DIO2: variants seen among roughly 807,000 people sequenced by gnomAD.
DIO2 encodes the protein type II iodothyronine deiodinase.
DIO2 carries 19 observed loss-of-function variants against 21.4 expected under a neutral mutation model. The ratio of observed to expected loss-of-function variants is 0.89; its 90% CI spans 0.62 to 1.30. The LOEUF (loss-of-function observed/expected upper bound fraction) is 1.30, where lower values mean the gene tolerates loss of function less well. DIO2 is among the 50% of genes most tolerant of loss of function. The pLI, the probability that DIO2 is intolerant of heterozygous loss-of-function variation, is 0.00. For missense variants in DIO2, 302 were observed against 338.1 expected (o/e 0.89, Z 0.84); for synonymous variants, 122 against 132.9 (o/e 0.92, Z 0.57).
At chr14:80,227,178 G>A (rs964385459) in intron 2 of DIO2, among the ~76,000 whole-genome samples, 1 of 152,160 alleles carries the variant, frequency 6.6e-6, no homozygotes, top group South Asian at 2.1e-4. Context: ...TGCATATCAT[G>A]CACAACCATC....
chr14:80,217,311 AC>A (rs1888380518), intron 2 of DIO2, among the ~76,000 whole-genome samples: 1 of 152,156 alleles, frequency 6.6e-6, no homozygotes, highest in African/African-American at 2.4e-5. Context: ...ATCTCTCAAA[AC>A]CTTTTTAAGC....
At chr14:80,215,687 C>A (rs141859549), upstream of DIO2, among the ~76,000 whole-genome samples, 129 of 152,360 alleles carry the variant, frequency 8.5e-4, 2 homozygotes, top group East Asian at 0.022. Flanking sequence ...TGTCTGGAAA[C>A]AGCAGGCATG....
intron 2 of DIO2, among the ~76,000 whole-genome samples, chr14:80,226,038 G>A (rs1397141734): frequency 1.3e-5 from 2 of 152,086 alleles, no homozygotes; most frequent in East Asian, 1.9e-4. Context: ...CAAAAATTTC[G>A]CTAGTGGATC....
At chr14:80,223,317 G>C (rs1888504481) in intron 2 of DIO2, among the ~76,000 whole-genome samples, 1 of 152,130 alleles carries the variant, frequency 6.6e-6, no homozygotes, top group African/African-American at 2.4e-5. Context: ...TACATACCTT[G>C]TCAATTAGTA....
At chr14:80,221,197 C>T (rs1308951532) in intron 2 of DIO2, among the ~76,000 whole-genome samples, 2 of 152,132 alleles carry the variant, frequency 1.3e-5, no homozygotes, top group Non-Finnish European at 2.9e-5. Flanking sequence ...CTTCCCAGAA[C>T]ATCTACAATG....
chr14:80,212,903 T>G (rs985507755), upstream of DIO2, among the ~76,000 whole-genome samples: 1 of 152,010 alleles, frequency 6.6e-6, no homozygotes, highest in African/African-American at 2.4e-5. Flanking sequence ...GGCGACATTC[T>G]TTTAGCTTCA....
intron 2 of DIO2, chr14:80,216,787 A>G (rs1401053201): frequency 3.3e-5 from 5 of 152,190 alleles, no homozygotes; most frequent in Non-Finnish European, 7.3e-5. Context: ...TGGTCAAAAA[A>G]AGTCATCATC....
At chr14:80,205,323 C>T (rs954335786) in intron 1 of DIO2, among the ~76,000 whole-genome samples, 6 of 152,010 alleles carry the variant, frequency 3.9e-5, no homozygotes, top group Admixed American at 1.3e-4. Flanking sequence ...TGTGCCTCAA[C>T]GTACCGTGAT....
At chr14:80,205,539 T>C in intron 1 of DIO2, 1 of 1,152,394 alleles carries the variant, frequency 8.7e-7, no homozygotes, top group Non-Finnish European at 1.1e-6. Flanking sequence ...CCTTTCATTA[T>C]GTCTGATTAT....
chr14:80,211,554 GGGGTGGGGGAGGTAAGGGGGAAGGTT>G, upstream of DIO2: 1 of 610,670 alleles, frequency 1.6e-6, no homozygotes, highest in South Asian at 3.5e-5. Context: ...GGTGATAAAG[GGGGTGGGGGAGGTAAGGGGGAAGGTT>G]GGGGGTTGGG....
intron 2 of DIO2, among the ~76,000 whole-genome samples, chr14:80,225,355 C>T (rs1566669012): frequency 6.6e-6 from 1 of 152,146 alleles, no homozygotes; most frequent in South Asian, 2.1e-4. Flanking sequence ...ATACAACTCT[C>T]CTTCCTACAA....
Position 80,202,594 on chromosome 14 carries a change from A to T in DIO2, c.*95T>A. 1.6e-6 allele frequency: 2 copies of T among 1,283,832 alleles called. No homozygotes were observed. Among genetic ancestry groups the T allele is most frequent in the South Asian group, 3.1e-5 (2 of 65,170 alleles). The allele number at this position is 1,283,832 out of a possible 1,614,324, so 79.5% of individuals were successfully genotyped here. ...ATAGATAAACTCCTGTCTTTCAGTA[A>T]GCCAATAGGGCTCTGTTGAAATATG... On this transcript the variant is annotated 3_prime_UTR_variant, in exon 2 of 2. Transcript: ENST00000438257.
chr14:80,227,305 G>A (rs980194046), intron 2 of DIO2, among the ~76,000 whole-genome samples: 1 of 152,166 alleles, frequency 6.6e-6, no homozygotes, highest in Non-Finnish European at 1.5e-5. Flanking sequence ...GAGACCATGG[G>A]CATTTGAGCC....
chr14:80,220,987 G>C (rs796855402), intron 2 of DIO2, among the ~76,000 whole-genome samples: 4 of 152,262 alleles, frequency 2.6e-5, no homozygotes, highest in African/African-American at 7.2e-5. Flanking sequence ...AGAAGTTCCT[G>C]CTGGGAAACA....
At chr14:80,217,327 G>C (rs560886603) in intron 2 of DIO2, among the ~76,000 whole-genome samples, 1 of 152,132 alleles carries the variant, frequency 6.6e-6, no homozygotes, top group East Asian at 1.9e-4. Context: ...TTAAGCTCGT[G>C]GTACTCTTAA....
exon 3 of DIO2, chr14:80,216,737 A>G (rs1462916772): frequency 1.3e-5 from 2 of 152,172 alleles, no homozygotes; most frequent in Non-Finnish European, 2.9e-5. Flanking sequence ...CTCCCTAAAT[A>G]CTTGACCCAA....
At chr14:80,229,124 A>C (rs1888636224) in intron 2 of DIO2, among the ~76,000 whole-genome samples, 4 of 152,168 alleles carry the variant, frequency 2.6e-5, no homozygotes, top group Admixed American at 2.6e-4. Flanking sequence ...CTCCGTTTTT[A>C]TAATTCAAAT....
chr14:80,206,176 G>T, intron 1 of DIO2: 1 of 1,137,496 alleles, frequency 8.8e-7, no homozygotes, highest in Non-Finnish European at 1.2e-6. Flanking sequence ...AAGAGAAAAT[G>T]CATAGATAAA....
At chr14:80,210,940 C>T (rs1201587758) in intron 1 of DIO2, among the ~76,000 whole-genome samples, 3 of 152,190 alleles carry the variant, frequency 2.0e-5, no homozygotes, top group Non-Finnish European at 4.4e-5. Context: ...TCTTCTCCAT[C>T]ATTTTCTGAC....
Sources: gnomAD v4.1 joint callset for allele counts (sites outside exome capture counted in the v4.1 genomes callset) on GRCh38, gnomAD v4.1.1 for gene constraint, MANE v1.5 for transcripts, NCBI Gene and HGNC (gene_info 2026-07-23, HGNC 2026-07-21) for gene names.